The following FBXO11 variants were observed in gnomAD, a reference collection of about 807,000 sequenced individuals.
FBXO11 encodes F-box protein 11, also known as F-box only protein 11.
FBXO11 carries 13 observed loss-of-function variants against 117.0 expected under a neutral mutation model. That is an observed-to-expected ratio of 0.11 (90% CI 0.07 to 0.18). The LOEUF (loss-of-function observed/expected upper bound fraction) is 0.18. Ranked by LOEUF, FBXO11 falls within the 10% of genes least tolerant of loss-of-function variation. The pLI, the probability that FBXO11 is intolerant of heterozygous loss-of-function variation, is 1.00. For missense variants in FBXO11, 767 were observed against 1,164.4 expected (o/e 0.66, Z 4.97); for synonymous variants, 490 against 380.5 (o/e 1.29, Z -3.35).
intron 16 of FBXO11, chr2:47,818,457 C>A: frequency 4.4e-6 from 1 of 225,556 alleles, no homozygotes; most frequent in Non-Finnish European, 8.6e-6. Context: ...CAATGATATG[C>A]CAGGCATAAT....
At chr2:47,830,692 C>A (rs1049555630) in intron 11 of FBXO11, among the ~76,000 whole-genome samples, 3 of 152,024 alleles carry the variant, frequency 2.0e-5, no homozygotes, top group Non-Finnish European at 4.4e-5. Context: ...TATTTACAAG[C>A]CCAAATCTAT....
At chr2:47,862,299 C>T (rs930502902) in intron 1 of FBXO11, among the ~76,000 whole-genome samples, 3 of 152,100 alleles carry the variant, frequency 2.0e-5, no homozygotes, top group South Asian at 2.1e-4. Context: ...GAAAAAGCTC[C>T]GCTGTTCAAG....
chr2:47,808,476 A>G (rs755787488), intron 21 of FBXO11, 49 bp from the exon 22 acceptor site: 1 of 1,469,008 alleles, frequency 6.8e-7, no homozygotes, highest in Non-Finnish European at 9.2e-7. Flanking sequence ...TCATTAATGC[A>G]AAACATTCCA....
intron 1 of FBXO11, among the ~76,000 whole-genome samples, chr2:47,885,300 G>C (rs1361045414): frequency 6.6e-6 from 1 of 152,158 alleles, no homozygotes; most frequent in Non-Finnish European, 1.5e-5. Context: ...GCTCACTCAA[G>C]AACAATGTGT....
chr2:47,863,502 T>C (rs1467010976), intron 1 of FBXO11, among the ~76,000 whole-genome samples: 2 of 152,100 alleles, frequency 1.3e-5, no homozygotes, highest in Non-Finnish European at 2.9e-5. Context: ...AAAGAAAGGG[T>C]CTACAGACAG....
intron 1 of FBXO11, among the ~76,000 whole-genome samples, chr2:47,868,519 T>G (rs1162746166): frequency 1.3e-5 from 2 of 152,216 alleles, no homozygotes; most frequent in African/African-American, 2.4e-5. Context: ...TTTTTATTTC[T>G]GGAACTCCTA....
intron 1 of FBXO11, among the ~76,000 whole-genome samples, chr2:47,857,326 G>A (rs1674377330): frequency 6.6e-6 from 1 of 151,546 alleles, no homozygotes; most frequent in African/African-American, 2.4e-5. Flanking sequence ...TTGTTTTGTT[G>A]CCCAGGCTGG....
chr2:47,818,823 T>C lies in FBXO11; in HGVS notation c.1962A>G (p.Glu654=). The C allele has an allele frequency of 6.3e-7, 1 of 1,590,130 alleles. No individual in the cohort carries two copies. Among genetic ancestry groups the C allele is most frequent in the Non-Finnish European group, 8.5e-7 (1 of 1,173,542 alleles). ...YFYDNGHGVL[E]DNDIYNHMYS... is the part of the protein sequence containing the mutation. ...ACATATGATTATAGATATCATTGTC[T>C]TCTAGCACTCCATGTCCATTGTCAT... Residue 654 remains glutamate (E), a synonymous_variant, in exon 16 of 23, where the codon GAA becomes GAG. Coordinates refer to ENST00000403359, the MANE Select transcript of FBXO11 (RefSeq NM_001190274.2).
intron 1 of FBXO11, among the ~76,000 whole-genome samples, chr2:47,862,542 G>C (rs1674857210): frequency 6.6e-6 from 1 of 152,138 alleles, no homozygotes; most frequent in Non-Finnish European, 1.5e-5. Context: ...TCCTGCTTCA[G>C]CCTTCCAGAG....
chr2:47,870,540 CAG>C (rs1675549219), intron 1 of FBXO11, among the ~76,000 whole-genome samples: 1 of 152,154 alleles, frequency 6.6e-6, no homozygotes, highest in African/African-American at 2.4e-5. Context: ...TGACAAGAGG[CAG>C]AGACTGAAGT....
chr2:47,877,354 G>A (rs1299807564), intron 1 of FBXO11, among the ~76,000 whole-genome samples: 1 of 151,956 alleles, frequency 6.6e-6, no homozygotes, highest in African/African-American at 2.4e-5. Flanking sequence ...GGATTCACTT[G>A]AATATCAATT....
intron 1 of FBXO11, among the ~76,000 whole-genome samples, chr2:47,842,647 T>C (rs900234063): frequency 2.9e-4 from 44 of 152,124 alleles, no homozygotes; most frequent in Non-Finnish European, 6.3e-4. Context: ...CTTAAATATA[T>C]GTAAAACACA....
At chr2:47,889,200 G>C (rs1677085487) in intron 1 of FBXO11, among the ~76,000 whole-genome samples, 2 of 152,066 alleles carry the variant, frequency 1.3e-5, no homozygotes, top group Admixed American at 1.3e-4. Flanking sequence ...CAAAAGCTTT[G>C]TTTAAATCCG....
At chr2:47,885,985 T>A (rs1414449286) in intron 1 of FBXO11, among the ~76,000 whole-genome samples, 2 of 152,244 alleles carry the variant, frequency 1.3e-5, no homozygotes, top group African/African-American at 4.8e-5. Context: ...AAGTATCTCA[T>A]GTATTCATTC....
In FBXO11 at chr2:47,818,873, TAAAAA is replaced by T. The variant is rs374445177; in HGVS notation, c.1921-14_1921-10del. The stretch of plus-strand genomic sequence containing the variant: ...TAAAAATAAACACCAACCTAAAATT[TAAAAA>T]AAAAAAAAAAGCTTTTTCAAGGGAC... On this transcript the variant is annotated splice_polypyrimidine_tract_variant and intron_variant, in intron 15 of 22. Coordinates refer to ENST00000403359, the MANE Select transcript of FBXO11 (RefSeq NM_001190274.2). 72 of 1,418,674 alleles carry T rather than the reference TAAAAA, an allele frequency of 5.1e-5. No individual in the cohort carries two copies. The highest frequency in any genetic ancestry group is 4.2e-5 in the Non-Finnish European group (44 of 1,046,674). 87.9% of individuals were successfully genotyped at this position (1,418,674 alleles called of 1,614,324 possible).
chr2:47,878,935 C>T (rs932587329), intron 1 of FBXO11, among the ~76,000 whole-genome samples: 3 of 152,078 alleles, frequency 2.0e-5, no homozygotes, highest in Admixed American at 1.3e-4. Context: ...GCTGAGATCA[C>T]GCCACTGCAC....
intron 1 of FBXO11, among the ~76,000 whole-genome samples, chr2:47,853,519 G>C (rs1674041961): frequency 6.6e-6 from 1 of 152,150 alleles, no homozygotes; most frequent in African/African-American, 2.4e-5. Flanking sequence ...TGTGGAGACA[G>C]TATAGCACAA....
chr2:47,846,270 C>A (rs1261663391), intron 1 of FBXO11, among the ~76,000 whole-genome samples: 1 of 152,106 alleles, frequency 6.6e-6, no homozygotes, highest in Non-Finnish European at 1.5e-5. Context: ...GAGTTCTAGA[C>A]CAGCCTGGCC....
intron 9 of FBXO11, 25 bp downstream of exon 9, chr2:47,832,744 T>A: frequency 6.2e-7 from 1 of 1,607,810 alleles, no homozygotes; most frequent in Non-Finnish European, 8.5e-7. Flanking sequence ...AAAATTTTAT[T>A]GTAAAATATA....
Sources: allele counts gnomAD v4.1 joint callset (sites outside exome capture counted in the v4.1 genomes callset), GRCh38; gene constraint gnomAD v4.1.1; transcripts MANE v1.5; gene names NCBI Gene and HGNC (gene_info 2026-07-23, HGNC 2026-07-21).